Variants in SEMA3E observed in about 807,000 individuals in gnomAD.
SEMA3E encodes semaphorin-3E.
Under a neutral mutation model 93.6 loss-of-function variants are expected in SEMA3E, and 49 were observed. The observed-to-expected ratio is 0.52, with a 90% CI of 0.42 to 0.66. The LOEUF is 0.66. Ranked by LOEUF, SEMA3E falls within the 30% of genes least tolerant of loss-of-function variation. The probability of loss-of-function intolerance (pLI) is 0.00; values close to 1 mark genes in which losing one functional copy is unlikely to be tolerated. For synonymous variants in SEMA3E, 363 were observed against 330.7 expected, an observed-to-expected ratio of 1.10 and a Z score of -1.06; for missense variants, 906 against 964.8, an observed-to-expected ratio of 0.94 and a Z score of 0.81.
At chr7:83,394,145 T>C in intron 13 of SEMA3E, 152 bp downstream of exon 13, 1 of 840,402 alleles carries the variant, frequency 1.2e-6, no homozygotes, top group South Asian at 1.7e-5. Context: ...TGTTAAAAGT[T>C]CTTACTACAA....
intron 16 of SEMA3E, chr7:83,371,889 G>T (rs891496428): frequency 1.8e-5 from 3 of 166,148 alleles, no homozygotes; most frequent in Admixed American, 6.4e-5. Flanking sequence ...GCCCCTAAAG[G>T]TATTTTGCTT....
chr7:83,371,026 G>A (rs1419945090), intron 16 of SEMA3E, among the ~76,000 whole-genome samples: 1 of 150,560 alleles, frequency 6.6e-6, no homozygotes, highest in East Asian at 2.0e-4. Flanking sequence ...ACTAGCGTTG[G>A]TGGAAGAGGT....
chr7:83,454,183 G>A (rs1421802770), intron 4 of SEMA3E, among the ~76,000 whole-genome samples: 2 of 148,602 alleles, frequency 1.3e-5, no homozygotes, highest in Non-Finnish European at 3.0e-5. Context: ...GCGTGAACCC[G>A]GGAGGCGGAG....
chr7:83,506,270 A>G (rs1355502969), intron 1 of SEMA3E, among the ~76,000 whole-genome samples: 1 of 152,108 alleles, frequency 6.6e-6, no homozygotes, highest in African/African-American at 2.4e-5. Flanking sequence ...TATACACAAT[A>G]CAGTATTATT....
chr7:83,569,811 C>T (rs1792237928), intron 1 of SEMA3E, among the ~76,000 whole-genome samples: 1 of 152,162 alleles, frequency 6.6e-6, no homozygotes, highest in Non-Finnish European at 1.5e-5. Flanking sequence ...TTAAACAGAT[C>T]ATAGAGACAG....
chr7:83,619,665 T>G (rs1562857989), intron 1 of SEMA3E, among the ~76,000 whole-genome samples: 1 of 151,850 alleles, frequency 6.6e-6, no homozygotes, highest in East Asian at 1.9e-4. Context: ...CTGCTATGGA[T>G]ATACTAAGAA....
At chr7:83,587,642 A>G (rs1234200242) in intron 1 of SEMA3E, among the ~76,000 whole-genome samples, 2 of 152,234 alleles carry the variant, frequency 1.3e-5, no homozygotes, top group East Asian at 1.9e-4. Flanking sequence ...CCATTTGTAT[A>G]TATATAAAAA....
intron 1 of SEMA3E, among the ~76,000 whole-genome samples, chr7:83,561,498 C>T (rs923127990): frequency 1.3e-5 from 2 of 152,046 alleles, no homozygotes; most frequent in Admixed American, 6.6e-5. Flanking sequence ...CATATTCTTT[C>T]CTCTGGCAGA....
chr7:83,380,762 T>A (rs972527197), intron 16 of SEMA3E, among the ~76,000 whole-genome samples: 3 of 151,964 alleles, frequency 2.0e-5, no homozygotes, highest in African/African-American at 7.2e-5. Context: ...CTAAGATGTA[T>A]TTATTCATGG....
intron 1 of SEMA3E, among the ~76,000 whole-genome samples, chr7:83,565,214 A>G (rs1275418370): frequency 2.0e-5 from 3 of 152,250 alleles, no homozygotes; most frequent in African/African-American, 2.4e-5. Flanking sequence ...CTATGCAGCC[A>G]TAAAAAACAA....
At chr7:83,543,451 C>T (rs1791580590) in intron 1 of SEMA3E, among the ~76,000 whole-genome samples, 1 of 151,944 alleles carries the variant, frequency 6.6e-6, no homozygotes. Flanking sequence ...CCTATGTGTC[C>T]AGACTCATAT....
chr7:83,364,489 C>A lies in SEMA3E; in HGVS notation c.*3097G>T, dbSNP rs1794637441. 1 of 152,132 alleles carries A rather than the reference C, an allele frequency of 6.6e-6. No individual in the cohort carries two copies. The highest frequency in any genetic ancestry group is 2.4e-5 in the African/African-American group (1 of 41,436). The allele number at this position is 152,132 out of a possible 1,614,324, so 9.4% of individuals were successfully genotyped here. On this transcript the variant is annotated 3_prime_UTR_variant, in exon 17 of 17. Transcript: ENST00000643230. The stretch of plus-strand genomic sequence containing the variant: ...ATTAGTGTTTATCCTTATTTTTAAT[C>A]CCTGTTTCTCCAAGTTGATAGCTTT...
At chr7:83,477,941 A>C (rs1790052850) in intron 2 of SEMA3E, among the ~76,000 whole-genome samples, 2 of 150,870 alleles carry the variant, frequency 1.3e-5, no homozygotes, top group African/African-American at 4.9e-5. Flanking sequence ...TTTTTTTGAG[A>C]CGGAGTTTCA....
intron 2 of SEMA3E, among the ~76,000 whole-genome samples, chr7:83,484,836 A>T (rs1790220262): frequency 6.6e-6 from 1 of 152,190 alleles, no homozygotes; most frequent in Non-Finnish European, 1.5e-5. Flanking sequence ...AAGAATAATT[A>T]AAAATAATAT....
intron 4 of SEMA3E, among the ~76,000 whole-genome samples, chr7:83,465,455 G>C (rs1789734352): frequency 1.3e-5 from 2 of 152,154 alleles, no homozygotes; most frequent in African/African-American, 4.8e-5. Context: ...CTCTCCAGGG[G>C]CAGCTATTAA....
intron 1 of SEMA3E, among the ~76,000 whole-genome samples, chr7:83,513,837 T>A (rs886207671): frequency 6.6e-6 from 1 of 152,096 alleles, no homozygotes; most frequent in Admixed American, 6.6e-5. Context: ...CTTCAAGGCT[T>A]TTAATATAAA....
intron 1 of SEMA3E, among the ~76,000 whole-genome samples, chr7:83,633,395 C>T (rs1188666362): frequency 1.3e-5 from 2 of 152,164 alleles, no homozygotes; most frequent in Non-Finnish European, 2.9e-5. Context: ...TCCAAGATCA[C>T]ACCAATAAAT....
chr7:83,624,733 T>A (rs1020258735), intron 1 of SEMA3E, among the ~76,000 whole-genome samples: 2 of 152,086 alleles, frequency 1.3e-5, no homozygotes, highest in Non-Finnish European at 2.9e-5. Flanking sequence ...GTTTCATTAG[T>A]TCACATTTGT....
chr7:83,603,703 A>G (rs1432912112), intron 1 of SEMA3E, among the ~76,000 whole-genome samples: 2 of 152,198 alleles, frequency 1.3e-5, no homozygotes, highest in Admixed American at 6.5e-5. Flanking sequence ...CAAAAGCTTA[A>G]GAACTTTTTC....
Sources: allele counts gnomAD v4.1 joint callset (sites outside exome capture counted in the v4.1 genomes callset), GRCh38; gene constraint gnomAD v4.1.1; transcripts MANE v1.5; gene names NCBI Gene and HGNC (gene_info 2026-07-23, HGNC 2026-07-21).